TMCC3: variants seen among roughly 807,000 people sequenced by gnomAD.
TMCC3 encodes the protein transmembrane and coiled-coil domain family 3.
In TMCC3, 28 loss-of-function variants were observed where a neutral mutation model predicts 40.2. That is an observed-to-expected ratio of 0.70 (90% CI 0.52 to 0.95). The LOEUF (loss-of-function observed/expected upper bound fraction) is 0.95. Among genes scored for constraint, TMCC3 ranks in the 40% least tolerant of loss-of-function variants. The probability of loss-of-function intolerance (pLI) is 0.00; values close to 1 mark genes in which losing one functional copy is unlikely to be tolerated. For synonymous variants in TMCC3, 255 were observed against 248.5 expected, an observed-to-expected ratio of 1.03 and a Z score of -0.25; for missense variants, 554 against 615.2, an observed-to-expected ratio of 0.90 and a Z score of 1.05.
At chr12:94,617,422 T>C (rs956011487) in intron 1 of TMCC3, among the ~76,000 whole-genome samples, 3 of 152,214 alleles carry the variant, frequency 2.0e-5, no homozygotes, top group Non-Finnish European at 4.4e-5. Flanking sequence ...CCTAAGGAAA[T>C]TCCTTTTGGG....
chr12:94,641,621 CTTGGGTTTAAGGG>C (rs1281286877), intron 1 of TMCC3, among the ~76,000 whole-genome samples: 5 of 152,042 alleles, frequency 3.3e-5, no homozygotes, highest in South Asian at 4.1e-4. Context: ...AAGTTTTAGG[CTTGGGTTTAAGGG>C]TTGTGTTATA....
At chr12:94,628,320 G>A (rs1212447533) in intron 1 of TMCC3, among the ~76,000 whole-genome samples, 1 of 152,182 alleles carries the variant, frequency 6.6e-6, no homozygotes, top group African/African-American at 2.4e-5. Context: ...TCTGCCCAAA[G>A]TGCTCATCAA....
chr12:94,646,997 T>C (rs1355401074), intron 1 of TMCC3, among the ~76,000 whole-genome samples: 1 of 151,908 alleles, frequency 6.6e-6, no homozygotes, highest in South Asian at 2.1e-4. Flanking sequence ...GAAAACCAAC[T>C]AAAAGAAAAC....
chr12:94,598,704 T>C (rs1032967369), intron 1 of TMCC3: 9 of 985,312 alleles, frequency 9.1e-6, no homozygotes, highest in Non-Finnish European at 8.4e-6. Context: ...GGAGGCTTTC[T>C]TCTCCCACAG....
At chr12:94,587,225 T>C (rs1333622588) in intron 1 of TMCC3, among the ~76,000 whole-genome samples, 1 of 152,214 alleles carries the variant, frequency 6.6e-6, no homozygotes, top group East Asian at 1.9e-4. Context: ...CAGTGTACAC[T>C]GTGTGGATCA....
intron 1 of TMCC3, among the ~76,000 whole-genome samples, chr12:94,605,271 T>C (rs2068776331): frequency 6.6e-6 from 1 of 152,144 alleles, no homozygotes; most frequent in Non-Finnish European, 1.5e-5. Context: ...ATTTGGAATA[T>C]CAAAAAGAAA....
intron 1 of TMCC3, among the ~76,000 whole-genome samples, chr12:94,611,558 G>C (rs148373450): frequency 5.3e-5 from 8 of 152,218 alleles, no homozygotes; most frequent in Middle Eastern, 3.4e-3. Flanking sequence ...TATATATACA[G>C]TTGTCCCTTG....
rs1278566232 is a variant in TMCC3, at chr12:94,568,377, A to G, written c.*3058T>C. On this transcript the variant is annotated 3_prime_UTR_variant, in exon 4 of 4. Coordinates refer to ENST00000261226, the MANE Select transcript of TMCC3 (RefSeq NM_020698.4). ...GGAGACTATGTCACCAGATAAACCCAGTGCTAGAATCCAATGTCCAGCATC... is the reference window on the plus strand; with the variant it reads ...GGAGACTATGTCACCAGATAAACCCGGTGCTAGAATCCAATGTCCAGCATC... 1.3e-5 allele frequency: 2 copies of G among 151,720 alleles called. No homozygotes were observed. The highest frequency in any genetic ancestry group is 2.9e-5 in the Non-Finnish European group (2 of 68,000). The allele number at this position is 151,720 out of a possible 1,614,324, so 9.4% of individuals were successfully genotyped here.
In TMCC3 at chr12:94,624,753, A is replaced by T. The variant is rs1049824294; in HGVS notation, c.78+25600T>A. Among the ~76,000 whole-genome samples, 4 of 152,152 alleles carry T rather than the reference A, an allele frequency of 2.6e-5. No individual in the cohort carries two copies. In the South Asian group the frequency reaches 8.3e-4, roughly 32 times the overall value. ...ATATTGTTCAGCCATAAAAAGAAATAAAGTACTGATTCATGCTACAACATG... is the reference window on the plus strand; with the variant it reads ...ATATTGTTCAGCCATAAAAAGAAATTAAGTACTGATTCATGCTACAACATG... On this transcript the variant is annotated intron_variant, in intron 1 of 3. Coordinates refer to ENST00000261226, the MANE Select transcript of TMCC3 (RefSeq NM_020698.4).
At chr12:94,633,067 T>C (rs925826905) in intron 1 of TMCC3, among the ~76,000 whole-genome samples, 3 of 151,930 alleles carry the variant, frequency 2.0e-5, no homozygotes, top group Middle Eastern at 3.2e-3. Context: ...GATTGCACCA[T>C]TGCACTGCAG....
chr12:94,624,440 T>C (rs1471756590), intron 1 of TMCC3, among the ~76,000 whole-genome samples: 2 of 152,158 alleles, frequency 1.3e-5, no homozygotes, highest in African/African-American at 4.8e-5. Flanking sequence ...TGGCCAGGCA[T>C]GGTGGCTCAT....
At chr12:94,599,848 A>G (rs2138848189) in intron 1 of TMCC3, among the ~76,000 whole-genome samples, 1 of 152,344 alleles carries the variant, frequency 6.6e-6, no homozygotes, top group Non-Finnish European at 1.5e-5. Context: ...TCTAATGATT[A>G]TAACTTGCTA....
chr12:94,594,198 A>AATATATATATAT lies in TMCC3; in HGVS notation c.79-11672_79-11661dup, dbSNP rs59083165. Among the ~76,000 whole-genome samples, 19 of 145,486 alleles carry AATATATATATAT rather than the reference A, an allele frequency of 1.3e-4. 1 individual carries two copies. The highest frequency in any genetic ancestry group is 5.1e-4 in the African/African-American group (19 of 37,490). ...CTAAGAACCATGCCTTTTAAATTTA[A>AATATATATATAT]ATATATATATATATATATACACACA... On this transcript the variant is annotated intron_variant, in intron 1 of 3. Coordinates refer to ENST00000261226, the MANE Select transcript of TMCC3 (RefSeq NM_020698.4).
chr12:94,596,962 C>G (rs1177748861), intron 1 of TMCC3, among the ~76,000 whole-genome samples: 1 of 151,776 alleles, frequency 6.6e-6, no homozygotes, highest in Admixed American at 6.6e-5. Flanking sequence ...CTGCTCCAAG[C>G]AGAATATAGG....
At chr12:94,639,153 A>G (rs1264021962) in intron 1 of TMCC3, among the ~76,000 whole-genome samples, 1 of 152,230 alleles carries the variant, frequency 6.6e-6, no homozygotes, top group Non-Finnish European at 1.5e-5. Context: ...AAGACTAAAG[A>G]GGAAATAATA....
At chr12:94,625,272 G>A (rs1371242681) in intron 1 of TMCC3, among the ~76,000 whole-genome samples, 2 of 151,818 alleles carry the variant, frequency 1.3e-5, no homozygotes, top group East Asian at 2.0e-4. Flanking sequence ...GGGGGACACA[G>A]GTCAAACGAT....
chr12:94,578,593 T>C, intron 2 of TMCC3, 64 bp from the exon 3 acceptor site: 1 of 1,538,232 alleles, frequency 6.5e-7, no homozygotes, highest in Non-Finnish European at 8.8e-7. Flanking sequence ...ACGATGTCCT[T>C]TTTATCTTCC....
chr12:94,603,552 C>A (rs1317593605), intron 1 of TMCC3, among the ~76,000 whole-genome samples: 2 of 152,156 alleles, frequency 1.3e-5, no homozygotes, highest in Non-Finnish European at 2.9e-5. Context: ...AGAAGCCACA[C>A]ACAAAAATGT....
At chr12:94,593,886 A>T (rs2068698743) in intron 1 of TMCC3, among the ~76,000 whole-genome samples, 1 of 152,200 alleles carries the variant, frequency 6.6e-6, no homozygotes, top group African/African-American at 2.4e-5. Flanking sequence ...TAAGAATTAA[A>T]GGGGGAGAAA....
Sources: allele counts gnomAD v4.1 joint callset (sites outside exome capture counted in the v4.1 genomes callset), GRCh38; gene constraint gnomAD v4.1.1; transcripts MANE v1.5; gene names NCBI Gene and HGNC (gene_info 2026-07-23, HGNC 2026-07-21).